The following GABBR2 variants were observed in gnomAD, a reference collection of about 807,000 sequenced individuals.
GABBR2 encodes gamma-aminobutyric acid type B receptor subunit 2.
In GABBR2, 23 loss-of-function variants were observed where a neutral mutation model predicts 105.6. The ratio of observed to expected loss-of-function variants is 0.22; its 90% CI spans 0.16 to 0.31. The LOEUF is 0.31. GABBR2 is among the 10% of genes least tolerant of loss of function. The probability of loss-of-function intolerance (pLI) is 1.00; values close to 1 mark genes in which losing one functional copy is unlikely to be tolerated. For synonymous variants in GABBR2, 478 were observed against 499.7 expected (o/e 0.96, Z 0.58); for missense variants, 734 against 1,245.5 (o/e 0.59, Z 6.18).
intron 7 of GABBR2, among the ~76,000 whole-genome samples, chr9:98,452,524 G>A (rs1826249746): frequency 1.3e-5 from 2 of 152,206 alleles, no homozygotes; most frequent in Non-Finnish European, 2.9e-5. Context: ...GGAATAATAA[G>A]AGCACCTACT....
At chr9:98,315,130 C>T (rs56077771) in intron 13 of GABBR2, among the ~76,000 whole-genome samples, 1,529 of 152,222 alleles carry the variant, frequency 0.01, 30 homozygotes, top group African/African-American at 0.035. Flanking sequence ...CCACCTTCAC[C>T]GCTCTGACCT....
At chr9:98,463,594 TCGC>T (rs1388938341) in intron 6 of GABBR2, among the ~76,000 whole-genome samples, 1 of 45,380 alleles carries the variant, frequency 2.2e-5, no homozygotes, top group Non-Finnish European at 6.3e-5. Context: ...CCTCGCCCTC[TCGC>T]TCTCCGTCTC....
At chr9:98,403,293 C>CAAAAA (rs546167489) in intron 8 of GABBR2, among the ~76,000 whole-genome samples, 5 of 86,110 alleles carry the variant, frequency 5.8e-5, no homozygotes, top group African/African-American at 9.0e-5. Context: ...GACTCCGTCT[C>CAAAAA]AAAAAAAAAA....
At position 98,535,536 on chromosome 9, in the gene GABBR2, C is replaced by A. The variant is rs988800168; in HGVS notation, c.630+6337G>T. On this transcript the variant is annotated intron_variant, in intron 3 of 18. Coordinates refer to ENST00000259455, the MANE Select transcript of GABBR2 (RefSeq NM_005458.8). Reference sequence around the variant, plus strand: ...CACTGTATTAGGTATTAAAGGTAATCTAGAGATAATTTAAAGAATATGGGA... The same window carrying A: ...CACTGTATTAGGTATTAAAGGTAATATAGAGATAATTTAAAGAATATGGGA... 1.1e-4 allele frequency among the ~76,000 whole-genome samples: 17 copies of A among 151,918 alleles called. No homozygotes were observed. The East Asian group carries it at 3.1e-3, about 28-fold the overall frequency.
chr9:98,563,486 G>A (rs1248425617), intron 2 of GABBR2, among the ~76,000 whole-genome samples: 1 of 152,206 alleles, frequency 6.6e-6, no homozygotes, highest in Non-Finnish European at 1.5e-5. Flanking sequence ...TCTTGTTAGC[G>A]TGGGCCAGAG....
chr9:98,702,608 C>G (rs1404189121), intron 1 of GABBR2, among the ~76,000 whole-genome samples: 1 of 152,220 alleles, frequency 6.6e-6, no homozygotes, highest in Admixed American at 6.5e-5. Context: ...CCTTTTCCCT[C>G]TACAAACCCT....
chr9:98,698,480 G>A (rs898138604), intron 1 of GABBR2, among the ~76,000 whole-genome samples: 1 of 150,134 alleles, frequency 6.7e-6, no homozygotes, highest in Non-Finnish European at 1.5e-5. Context: ...CATAACCAAT[G>A]TACTCTTACT....
chr9:98,652,651 C>T (rs1588269945), intron 1 of GABBR2, among the ~76,000 whole-genome samples: 1 of 152,256 alleles, frequency 6.6e-6, no homozygotes, highest in Non-Finnish European at 1.5e-5. Flanking sequence ...GATAAGTCTT[C>T]CTCAAGTAGG....
chr9:98,370,654 C>T (rs984034885), intron 12 of GABBR2, among the ~76,000 whole-genome samples: 6 of 152,168 alleles, frequency 3.9e-5, no homozygotes, highest in African/African-American at 1.2e-4. Flanking sequence ...TTGAATATAA[C>T]AATAGACTCT....
intron 1 of GABBR2, among the ~76,000 whole-genome samples, chr9:98,640,128 A>ATC (rs1288327908): frequency 1.6e-4 from 24 of 148,074 alleles, no homozygotes; most frequent in African/African-American, 5.7e-4. Context: ...AACCATATAT[A>ATC]TATATATATA....
At chr9:98,600,238 C>G (rs573241966) in intron 1 of GABBR2, among the ~76,000 whole-genome samples, 1 of 152,286 alleles carries the variant, frequency 6.6e-6, no homozygotes, top group South Asian at 2.1e-4. Flanking sequence ...GCTAAGATGA[C>G]AGGCATCAGG....
At chr9:98,624,043 C>T (rs1829702310) in intron 1 of GABBR2, among the ~76,000 whole-genome samples, 1 of 152,206 alleles carries the variant, frequency 6.6e-6, no homozygotes, top group African/African-American at 2.4e-5. Context: ...AGCCCTCCGT[C>T]TGTCCTGTGA....
intron 12 of GABBR2, among the ~76,000 whole-genome samples, chr9:98,367,735 T>C (rs1033567755): frequency 2.0e-5 from 3 of 152,104 alleles, no homozygotes; most frequent in African/African-American, 7.2e-5. Context: ...GTGCTGTGGT[T>C]AAGTATTATT....
At chr9:98,430,438 T>C (rs1161334734) in intron 7 of GABBR2, among the ~76,000 whole-genome samples, 1 of 152,152 alleles carries the variant, frequency 6.6e-6, no homozygotes, top group Non-Finnish European at 1.5e-5. Context: ...CTAGGGTTCA[T>C]TTCACCCCAC....
rs563631042 is a variant in GABBR2, at chr9:98,623,286, G to C, written c.322-45214C>G. Reference sequence around the variant, plus strand: ...CAAAAAATACAAAAATTAGCTGGGGGTGGTGGCCCATGCCTGTAATCAATC... The same window carrying C: ...CAAAAAATACAAAAATTAGCTGGGGCTGGTGGCCCATGCCTGTAATCAATC... On this transcript the variant is annotated intron_variant, in intron 1 of 18. Transcript: ENST00000259455. Among the ~76,000 whole-genome samples, 24 of 152,228 alleles carry C rather than the reference G, an allele frequency of 1.6e-4. 1 individual carries two copies. The highest frequency in any genetic ancestry group is 5.5e-4 in the African/African-American group (23 of 41,528).
At chr9:98,577,228 A>ATGGATGGATGGAT (rs769775744) in intron 2 of GABBR2, among the ~76,000 whole-genome samples, 14 of 151,122 alleles carry the variant, frequency 9.3e-5, no homozygotes, top group South Asian at 4.2e-4. Flanking sequence ...GGATGGATGG[A>ATGGATGGATGGAT]GCAAAAAAGT....
chr9:98,628,466 C>T (rs985666703), intron 1 of GABBR2, among the ~76,000 whole-genome samples: 6 of 152,120 alleles, frequency 3.9e-5, no homozygotes, highest in African/African-American at 7.2e-5. Context: ...TTGTCAGCTC[C>T]GGGGCACCAT....
At chr9:98,607,309 T>TATCA in intron 1 of GABBR2, 1 of 816,514 alleles carries the variant, frequency 1.2e-6, no homozygotes, top group Non-Finnish European at 2.2e-6. Flanking sequence ...GGTGTAGCGT[T>TATCA]GTTTATACTT....
chr9:98,361,007 T>A (rs1197722202), intron 13 of GABBR2, among the ~76,000 whole-genome samples: 1 of 152,190 alleles, frequency 6.6e-6, no homozygotes, highest in East Asian at 1.9e-4. Context: ...CACCCTGCTC[T>A]TATTTCTTGA....
Sources: gnomAD v4.1 joint callset for allele counts (sites outside exome capture counted in the v4.1 genomes callset) on GRCh38, gnomAD v4.1.1 for gene constraint, MANE v1.5 for transcripts, NCBI Gene and HGNC (gene_info 2026-07-23, HGNC 2026-07-21) for gene names.